PLXNA4: variants seen among roughly 807,000 people sequenced by gnomAD.
PLXNA4 encodes the protein plexin A4.
Under a neutral mutation model 191.8 loss-of-function variants are expected in PLXNA4, and 44 were observed. The observed-to-expected ratio is 0.23, with a 90% CI of 0.18 to 0.29. The LOEUF (loss-of-function observed/expected upper bound fraction) is 0.29, where lower values mean the gene tolerates loss of function less well. Ranked by LOEUF, PLXNA4 falls within the 10% of genes least tolerant of loss-of-function variation. The probability of loss-of-function intolerance (pLI) is 1.00; values close to 1 mark genes in which losing one functional copy is unlikely to be tolerated. For synonymous variants in PLXNA4, 1,082 were observed against 1,009.5 expected (o/e 1.07, Z -1.36); for missense variants, 1,800 against 2,488.8 (o/e 0.72, Z 5.89).
rs201246798 is a variant in PLXNA4 at position 132,168,299 on chromosome 7, C to T, written c.4286+5G>A. On this transcript the variant is annotated splice_donor_5th_base_variant and intron_variant, in intron 22 of 31. Coordinates refer to ENST00000321063, the MANE Select transcript of PLXNA4 (RefSeq NM_020911.2). ...GGAGCAGGGTGCCCCAGACTGCACC[C>T]TCACCTCCTGAGCAGCAGCTTAGGG... The T allele has an allele frequency of 6.5e-7, 1 of 1,536,948 alleles. No homozygotes were observed. Among genetic ancestry groups the T allele is most frequent in the Non-Finnish European group, 8.8e-7 (1 of 1,137,736 alleles).
chr7:132,585,046 G>A (rs1411266198), intron 2 of PLXNA4, among the ~76,000 whole-genome samples: 1 of 152,062 alleles, frequency 6.6e-6, no homozygotes, highest in Non-Finnish European at 1.5e-5. Flanking sequence ...TGCCTAGGCA[G>A]ACAGCTCGGT....
intron 30 of PLXNA4, among the ~76,000 whole-genome samples, chr7:132,138,064 A>G (rs1795165121): frequency 1.3e-5 from 2 of 152,176 alleles, no homozygotes; most frequent in South Asian, 4.1e-4. Flanking sequence ...GACTCAACAT[A>G]CTGGCAGAAT....
intron 4 of PLXNA4, among the ~76,000 whole-genome samples, chr7:132,293,462 T>C (rs1002143446): frequency 2.0e-5 from 3 of 152,140 alleles, no homozygotes; most frequent in African/African-American, 4.8e-5. Flanking sequence ...ACCCCCAGGA[T>C]TCAATTATCT....
chr7:132,312,445 G>A (rs1022464325), intron 3 of PLXNA4, among the ~76,000 whole-genome samples: 3 of 152,080 alleles, frequency 2.0e-5, no homozygotes, highest in Non-Finnish European at 2.9e-5. Flanking sequence ...AACTGAGCCC[G>A]GTGGGGAAGT....
intron 2 of PLXNA4, among the ~76,000 whole-genome samples, chr7:132,587,487 G>C (rs1353627746): frequency 6.6e-6 from 1 of 152,238 alleles, no homozygotes; most frequent in Non-Finnish European, 1.5e-5. Context: ...CTCAAGTGAA[G>C]ACTAGAGTTT....
chr7:132,241,990 C>A (rs1025535487), intron 4 of PLXNA4, among the ~76,000 whole-genome samples: 1 of 152,194 alleles, frequency 6.6e-6, no homozygotes, highest in Non-Finnish European at 1.5e-5. Context: ...TCTTTGTTCT[C>A]CAATGTAGCT....
intron 9 of PLXNA4, among the ~76,000 whole-genome samples, chr7:132,213,328 G>A (rs980707703): frequency 5.3e-5 from 8 of 152,168 alleles, no homozygotes; most frequent in South Asian, 2.1e-4. Flanking sequence ...TGTACTTAAC[G>A]CCACTGAACT....
intron 4 of PLXNA4, among the ~76,000 whole-genome samples, chr7:132,282,053 A>G (rs568226251): frequency 4.6e-4 from 70 of 152,284 alleles, no homozygotes; most frequent in Non-Finnish European, 8.7e-4. Flanking sequence ...GTGCCTCTCT[A>G]ATGCATGAAT....
At chr7:132,515,036 G>A (rs1289756263) in intron 1 of PLXNA4, among the ~76,000 whole-genome samples, 1 of 152,174 alleles carries the variant, frequency 6.6e-6, no homozygotes, top group Non-Finnish European at 1.5e-5. Context: ...CAGAACGGGG[G>A]TCGGGAGGGC....
At chr7:132,210,322 A>G (rs886366573) in intron 10 of PLXNA4, among the ~76,000 whole-genome samples, 21 of 152,214 alleles carry the variant, frequency 1.4e-4, no homozygotes, top group African/African-American at 4.8e-4. Flanking sequence ...GGAATTAGGT[A>G]GACAGCTGTC....
At chr7:132,488,882 G>T (rs1424967806) in intron 3 of PLXNA4, among the ~76,000 whole-genome samples, 1 of 152,222 alleles carries the variant, frequency 6.6e-6, no homozygotes, top group Non-Finnish European at 1.5e-5. Flanking sequence ...ATGCATTCCA[G>T]ATGATGCAGC....
intron 4 of PLXNA4, among the ~76,000 whole-genome samples, chr7:132,242,143 C>G (rs935595281): frequency 6.9e-6 from 1 of 144,802 alleles, no homozygotes; most frequent in Non-Finnish European, 1.5e-5. Context: ...TTTTTCTTTA[C>G]AAAAAGTATT....
chr7:132,130,492 C>T lies in PLXNA4; in HGVS notation c.5672G>A (p.Ser1891Asn), dbSNP rs773515080. 4.3e-6 allele frequency: 7 copies of T among 1,614,184 alleles called. No individual in the cohort carries two copies. The highest frequency in any genetic ancestry group is 5.9e-6 in the Non-Finnish European group (7 of 1,180,028). Residue 1891 changes from serine (S) to asparagine (N), a missense_variant, in exon 32 of 32, where the codon AGC (serine) becomes AAC (asparagine). Ser to Asn is a conservative substitution (Grantham distance 46). Coordinates refer to ENST00000321063, the MANE Select transcript of PLXNA4 (RefSeq NM_020911.2). ...YKLEQVITLMSLDS is the reference protein window; with the variant it reads ...YKLEQVITLMNLDS The stretch of plus-strand genomic sequence containing the variant: ...GAAGGACGGTTCTCAGCTGTCTAAG[C>T]TCATGAGGGTTATGACTTGTTCTAG...
intron 3 of PLXNA4, among the ~76,000 whole-genome samples, chr7:132,334,596 G>T (rs1387983768): frequency 2.0e-5 from 3 of 152,082 alleles, no homozygotes; most frequent in African/African-American, 7.2e-5. Flanking sequence ...AGACACTGCA[G>T]ATTCTGTGGT....
chr7:132,449,925 T>C (rs1014537424), intron 3 of PLXNA4, among the ~76,000 whole-genome samples: 3 of 152,202 alleles, frequency 2.0e-5, no homozygotes, highest in Admixed American at 6.5e-5. Context: ...CAGACAAACT[T>C]ACAGAGCTCA....
intron 3 of PLXNA4, among the ~76,000 whole-genome samples, chr7:132,414,522 G>A (rs1473409370): frequency 2.0e-5 from 3 of 152,006 alleles, no homozygotes; most frequent in Non-Finnish European, 2.9e-5. Context: ...TGGTAGGGAG[G>A]GGAGAAAAAA....
Position 132,385,379 on chromosome 7 carries a change from G to C in PLXNA4, c.1372-87157C>G, listed in dbSNP as rs138546623. The stretch of plus-strand genomic sequence containing the variant: ...CCTCCTTATTCCCCTCCTCCTTTCT[G>C]TTTACAGTAAATATGTATTACAGTT... On this transcript the variant is annotated intron_variant, in intron 3 of 31. Transcript: ENST00000321063. 232 of 1,474,320 alleles carry C rather than the reference G, an allele frequency of 1.6e-4. 2 individuals carry two copies. In the African/African-American group the frequency reaches 2.8e-3, roughly 18 times the overall value. 91.3% of individuals were successfully genotyped at this position (1,474,320 alleles called of 1,614,324 possible).
intron 4 of PLXNA4, among the ~76,000 whole-genome samples, chr7:132,270,543 T>C (rs993699833): frequency 1.1e-4 from 16 of 152,244 alleles, no homozygotes; most frequent in Admixed American, 3.3e-4. Flanking sequence ...TTTGGCATTC[T>C]GTCCCTGCTC....
intron 3 of PLXNA4, among the ~76,000 whole-genome samples, chr7:132,401,272 C>T (rs1418192160): frequency 6.6e-6 from 1 of 152,162 alleles, no homozygotes; most frequent in African/African-American, 2.4e-5. Flanking sequence ...CCCCTCTGTA[C>T]AATTTATTGC....
Sources: allele counts gnomAD v4.1 joint callset (sites outside exome capture counted in the v4.1 genomes callset), GRCh38; gene constraint gnomAD v4.1.1; transcripts MANE v1.5; gene names NCBI Gene and HGNC (gene_info 2026-07-23, HGNC 2026-07-21).